Variants in CELF2 observed in about 807,000 individuals in gnomAD.
The protein encoded by CELF2 is CUGBP Elav-like family member 2.
A neutral mutation model predicts 62.6 loss-of-function variants in CELF2; 8 were observed. The ratio of observed to expected loss-of-function variants is 0.13; its 90% confidence interval spans 0.07 to 0.23. The LOEUF is 0.23. Among genes scored for constraint, CELF2 ranks in the 10% least tolerant of loss-of-function variants. The pLI is 1.00. For synonymous variants in CELF2, 258 were observed against 250.0 expected, an observed-to-expected ratio of 1.03 and a Z score of -0.30; for missense variants, 333 against 671.0, an observed-to-expected ratio of 0.50 and a Z score of 5.56.
chr10:10,696,680 G>T, the CELF2 span, among the ~76,000 whole-genome samples: 1 of 152,052 alleles, frequency 6.6e-6, no homozygotes, highest in African/African-American at 2.4e-5. Flanking sequence ...GACCCTCCGA[G>T]CCAGGTGTGG....
At position 11,177,383 on chromosome 10, in the gene CELF2, T is replaced by C. The variant is rs1001661843; in HGVS notation, c.271+11701T>C. On this transcript the variant is annotated intron_variant, in intron 2 of 12. Coordinates refer to ENST00000633077, the MANE Select transcript of CELF2 (RefSeq NM_001326342.2). This position sits in a 1 kb window ranked among gnomAD's most constrained non-coding sequence, Gnocchi z 4.8. The stretch of plus-strand genomic sequence containing the variant: ...TCAAGTCAGGTTAGCTTACCTTGGG[T>C]GTTTGTATTTTGTTGGCTTATGTTT... 1.3e-5 allele frequency among the ~76,000 whole-genome samples: 2 copies of C among 151,460 alleles called. No homozygotes were observed. The highest frequency in any genetic ancestry group is 4.9e-5 in the African/African-American group (2 of 41,152).
intron 1 of CELF2, among the ~76,000 whole-genome samples, chr10:10,836,507 T>C (rs550167193): frequency 5.9e-5 from 9 of 152,324 alleles, no homozygotes; most frequent in African/African-American, 1.7e-4. Context: ...CCTTTCTAGA[T>C]TGGACTGAAA....
Position 11,192,436 on chromosome 10 carries a change from A to C in CELF2, c.272-24989A>C, listed in dbSNP as rs532930922. On this transcript the variant is annotated intron_variant, in intron 2 of 12. Coordinates refer to ENST00000633077, the MANE Select transcript of CELF2 (RefSeq NM_001326342.2). Reference sequence around the variant, plus strand: ...ACTGTGTGCCACCACAGTGCTGCCCAGCCCTGCCACCCTGGACTGACCGAT... The same window carrying C: ...ACTGTGTGCCACCACAGTGCTGCCCCGCCCTGCCACCCTGGACTGACCGAT... Among the ~76,000 whole-genome samples the C allele has an allele frequency of 5.5e-3, 841 of 152,354 alleles. 3 individuals are homozygous for C. The highest frequency in any genetic ancestry group is 0.019 in the South Asian group (90 of 4,828).
At chr10:10,728,169 G>T in the CELF2 span, among the ~76,000 whole-genome samples, 1 of 151,782 alleles carries the variant, frequency 6.6e-6, no homozygotes, top group South Asian at 2.1e-4. Flanking sequence ...ACCAGTCGCG[G>T]TGGCTCATGC....
chr10:10,520,419 G>A, the CELF2 span, among the ~76,000 whole-genome samples: 6 of 152,258 alleles, frequency 3.9e-5, no homozygotes, highest in African/African-American at 1.4e-4. Flanking sequence ...ATGTTTTACA[G>A]TTTGAGCTAA....
In CELF2 at chr10:11,330,740, TTTC is replaced by T. The variant is rs1279633148; in HGVS notation, c.*1690_*1692del. ...AAAAAACCTGTGGCAAAAACGTTTC[TTTC>T]TTATTTTTTTTCTTTTCCTAAAACA... On this transcript the variant is annotated 3_prime_UTR_variant, in exon 13 of 13. Transcript: ENST00000633077. This position sits in a 1 kb window ranked among gnomAD's most constrained non-coding sequence, Gnocchi z 4.5. The T allele has an allele frequency of 8.5e-5, 13 of 152,526 alleles. No homozygotes were observed. The highest frequency in any genetic ancestry group is 1.2e-4 in the Non-Finnish European group (8 of 68,034). The allele number at this position is 152,526 out of a possible 1,614,324, so 9.4% of individuals were successfully genotyped here.
intron 2 of CELF2, among the ~76,000 whole-genome samples, chr10:10,939,575 C>T (rs905330391): frequency 3.3e-5 from 5 of 151,908 alleles, no homozygotes; most frequent in Non-Finnish European, 5.9e-5. Flanking sequence ...TGTGAGCCAC[C>T]CTACTCAGCT....
At chr10:10,537,994 C>T in the CELF2 span, among the ~76,000 whole-genome samples, 77 of 152,188 alleles carry the variant, frequency 5.1e-4, 2 homozygotes, top group Admixed American at 1.2e-3. Context: ...CCCAAGGGCT[C>T]TTCATGGAAT....
chr10:10,767,983 G>A, the CELF2 span, among the ~76,000 whole-genome samples: 38 of 87,354 alleles, frequency 4.4e-4, 5 homozygotes, highest in African/African-American at 5.0e-4. Flanking sequence ...GCGACAGAGC[G>A]AGACTCCGTC....
the CELF2 span, among the ~76,000 whole-genome samples, chr10:10,536,605 T>G: frequency 1.1e-3 from 168 of 152,304 alleles, no homozygotes; most frequent in African/African-American, 4.0e-3. Context: ...GGTTTCTGGT[T>G]TGACTCTTGG....
In CELF2 at chr10:11,268,965, T is replaced by C. The variant is rs1233185653; in HGVS notation, c.619-1701T>C. ...CTGTGTTTCATGGTTTAAAAAATCA[T>C]TTTTAAGCTATAATCATTGGCCTAA... is the stretch of plus-strand genomic sequence containing the variant. On this transcript the variant is annotated intron_variant, in intron 6 of 12. Transcript: ENST00000633077. This position sits in a 1 kb window ranked among gnomAD's most constrained non-coding sequence, Gnocchi z 4.7. 1.3e-5 allele frequency among the ~76,000 whole-genome samples: 2 copies of C among 152,246 alleles called. No homozygotes were observed. The highest frequency in any genetic ancestry group is 2.9e-5 in the Non-Finnish European group (2 of 68,052).
At chr10:10,974,922 C>T (rs2051155832) in intron 2 of CELF2, among the ~76,000 whole-genome samples, 1 of 152,164 alleles carries the variant, frequency 6.6e-6, no homozygotes, top group Admixed American at 6.5e-5. Flanking sequence ...ACCTATCTTC[C>T]CATATTGGCA....
chr10:10,519,262 G>A, the CELF2 span, among the ~76,000 whole-genome samples: 1 of 152,152 alleles, frequency 6.6e-6, no homozygotes, highest in Non-Finnish European at 1.5e-5. Flanking sequence ...TAAAGGGCCA[G>A]TCTCGGGAAG....
the CELF2 span, among the ~76,000 whole-genome samples, chr10:10,603,421 G>A: frequency 0.28 from 42,926 of 152,108 alleles, 6,420 homozygotes; most frequent in South Asian, 0.5. Flanking sequence ...ATGAACAGCT[G>A]AGGAAGCAGC....
the CELF2 span, among the ~76,000 whole-genome samples, chr10:10,788,682 C>T: frequency 3.3e-5 from 5 of 151,902 alleles, no homozygotes; most frequent in Non-Finnish European, 5.9e-5. Flanking sequence ...AGGCTGATCT[C>T]GAACTCCTGA....
chr10:11,156,916 A>G lies in CELF2; in HGVS notation c.75-8570A>G, dbSNP rs2064564594. The stretch of plus-strand genomic sequence containing the variant: ...CTGATTGGAGGAAAAGAAGACCGGA[A>G]GAGATGAACTTTAGGTGTGCTGAAT... On this transcript the variant is annotated intron_variant, in intron 1 of 12. Coordinates refer to ENST00000633077, the MANE Select transcript of CELF2 (RefSeq NM_001326342.2). This position sits in a 1 kb window ranked among gnomAD's most constrained non-coding sequence, Gnocchi z 4.3. Among the ~76,000 whole-genome samples the G allele has an allele frequency of 1.3e-5, 2 of 152,246 alleles. No individual in the cohort carries two copies. Among genetic ancestry groups the G allele is most frequent in the Non-Finnish European group, 2.9e-5 (2 of 68,042 alleles).
chr10:11,257,884 G>A lies in CELF2; in HGVS notation c.538+12G>A, dbSNP rs2079287784. The A allele has an allele frequency of 1.9e-6, 3 of 1,613,968 alleles. No individual in the cohort carries two copies. The highest frequency in any genetic ancestry group is 2.5e-6 in the Non-Finnish European group (3 of 1,179,860). On this transcript the variant is annotated intron_variant, in intron 5 of 12. Transcript: ENST00000633077. ...TGGGCTGAGTCGAGGTGAGTGTGCT[G>A]TCTGGAAAGCCTCTCCCCTTCAGTG... is the stretch of plus-strand genomic sequence containing the variant.
intron 1 of CELF2, among the ~76,000 whole-genome samples, chr10:10,804,980 C>T (rs1038044539): frequency 2.0e-5 from 3 of 152,172 alleles, no homozygotes; most frequent in South Asian, 4.1e-4. Flanking sequence ...CATGGATGCT[C>T]TGCTTGTATT....
At position 10,855,598 on chromosome 10, in the gene CELF2, CAAAG is replaced by C. The variant is rs999520526; in HGVS notation, c.53+56787_53+56790del. 3.9e-5 allele frequency among the ~76,000 whole-genome samples: 6 copies of C among 152,318 alleles called. No individual in the cohort carries two copies. In the East Asian group the frequency reaches 9.6e-4, roughly 24 times the overall value. On this transcript the variant is annotated intron_variant, in intron 1 of 13. Transcript: ENST00000636488. ...ATTTTACAGCCTGTTTCTGACATAA[CAAAG>C]AAAGAGTTTCCCATTCATTCTGCTG...
Sources: allele counts gnomAD v4.1 joint callset (sites outside exome capture counted in the v4.1 genomes callset), GRCh38; gene constraint gnomAD v4.1.1; non-coding constraint Gnocchi (gnomAD v3.1); transcripts MANE v1.5; gene names NCBI Gene and HGNC (gene_info 2026-07-23, HGNC 2026-07-21).